STK10: variants seen among roughly 807,000 people sequenced by gnomAD.
The protein encoded by STK10 is serine/threonine kinase 10, also known as serine/threonine-protein kinase 10.
STK10 carries 78 observed loss-of-function variants against 113.8 expected under a neutral mutation model. The observed-to-expected ratio is 0.69, with a 90% CI of 0.57 to 0.83. The LOEUF is 0.83. Among genes scored for constraint, STK10 ranks in the 40% least tolerant of loss-of-function variants. STK10 has a pLI of 0.00. For synonymous variants in STK10, 465 were observed against 494.7 expected (o/e 0.94, Z 0.80); for missense variants, 1,109 against 1,280.1 (o/e 0.87, Z 2.04).
At chr5:172,062,592 G>C (rs1284679011) in intron 13 of STK10, among the ~76,000 whole-genome samples, 1 of 152,220 alleles carries the variant, frequency 6.6e-6, no homozygotes, top group Non-Finnish European at 1.5e-5. Flanking sequence ...TCTGACACAT[G>C]CAACAACATG....
At chr5:172,050,507 C>A (rs1242686307) in intron 18 of STK10, among the ~76,000 whole-genome samples, 1 of 152,110 alleles carries the variant, frequency 6.6e-6, no homozygotes, top group African/African-American at 2.4e-5. Flanking sequence ...GCCTGGGCAA[C>A]ATAGCAAGAC....
intron 3 of STK10, among the ~76,000 whole-genome samples, chr5:172,121,895 C>G (rs563654680): frequency 6.7e-6 from 1 of 148,166 alleles, no homozygotes; most frequent in East Asian, 2.0e-4. Context: ...TTTTAGACGA[C>G]GTCTCTGTCA....
intron 12 of STK10, among the ~76,000 whole-genome samples, chr5:172,074,893 T>C (rs1481137162): frequency 2.6e-5 from 4 of 151,886 alleles, no homozygotes; most frequent in Non-Finnish European, 5.9e-5. Context: ...GTGGCGCATG[T>C]CTGTAATCCC....
intron 1 of STK10, among the ~76,000 whole-genome samples, chr5:172,177,149 C>T (rs1382082696): frequency 6.7e-6 from 1 of 149,924 alleles, no homozygotes; most frequent in African/African-American, 2.5e-5. Context: ...TGCACTCCAG[C>T]CTGGATGAAG....
At position 172,052,882 on chromosome 5, in the gene STK10, C is replaced by T. The variant is rs755157383; in HGVS notation, c.2766+47G>A. On this transcript the variant is annotated intron_variant, in intron 18 of 18. Coordinates refer to ENST00000176763, the MANE Select transcript of STK10 (RefSeq NM_005990.4). ...GTCCTGGCCAGAGGCCTGTGCATGG[C>T]ACAGAGCAGAGCCCGAGACTGAGCC... is the stretch of plus-strand genomic sequence containing the variant. The T allele has an allele frequency of 3.1e-6, 5 of 1,592,952 alleles. 1 individual carries two copies. In the East Asian group the frequency reaches 1.1e-4, roughly 36 times the overall value.
At chr5:172,099,090 G>A (rs905364480) in intron 7 of STK10, among the ~76,000 whole-genome samples, 1 of 143,666 alleles carries the variant, frequency 7.0e-6, no homozygotes, top group African/African-American at 2.6e-5. Context: ...TCATCATCAC[G>A]ACCATTACCA....
In STK10 at chr5:172,061,175, G is replaced by A. The variant is rs760962349; in HGVS notation, c.2176C>T (p.Arg726Cys). The A allele has an allele frequency of 2.7e-5, 43 of 1,613,006 alleles. No homozygotes were observed. In the East Asian group the frequency reaches 5.4e-4, roughly 20 times the overall value. Residue 726 changes from arginine to cysteine, a missense_variant, in exon 14 of 19, where the codon CGC becomes TGC. This residue lies in a region of STK10 where 885 missense variants were observed against 991.1 expected (regional missense o/e 0.89). Coordinates refer to ENST00000176763, the MANE Select transcript of STK10 (RefSeq NM_005990.4). ...TCCTGCTTCTTCATGAGGCACTCGCGCTCCTTGTCACAGATCTCCCGCCTG... is the reference window on the plus strand; with the variant it reads ...TCCTGCTTCTTCATGAGGCACTCGCACTCCTTGTCACAGATCTCCCGCCTG... ...DNRREICDKE[R>C]ECLMKKQELL...
At chr5:172,069,835 C>T (rs1938642970) in intron 12 of STK10, among the ~76,000 whole-genome samples, 1 of 152,172 alleles carries the variant, frequency 6.6e-6, no homozygotes, top group African/African-American at 2.4e-5. Flanking sequence ...TTATAGAATA[C>T]TCCACTCAAC....
intron 17 of STK10, 73 bp from the exon 18 acceptor site, chr5:172,053,115 G>A (rs1767667351): frequency 6.5e-6 from 8 of 1,232,926 alleles, no homozygotes; most frequent in South Asian, 6.1e-5. Flanking sequence ...CACACCTCAC[G>A]CTGTGGCTAC....
intron 12 of STK10, among the ~76,000 whole-genome samples, chr5:172,073,792 G>GC (rs1768249243): frequency 1.8e-5 from 1 of 55,492 alleles, no homozygotes; most frequent in Non-Finnish European, 3.3e-5. Flanking sequence ...ACTAAAAATA[G>GC]CAAAAAAAAA....
intron 1 of STK10, among the ~76,000 whole-genome samples, chr5:172,185,562 C>T (rs182456208): frequency 2.0e-5 from 3 of 152,246 alleles, no homozygotes; most frequent in East Asian, 1.9e-4. Context: ...CCACCACGCC[C>T]GGCCCAAAAA....
intron 18 of STK10, among the ~76,000 whole-genome samples, chr5:172,052,293 G>A (rs1416241205): frequency 6.6e-6 from 1 of 152,132 alleles, no homozygotes; most frequent in Non-Finnish European, 1.5e-5. Context: ...AAGGAAACAG[G>A]GACCTCAGAC....
chr5:172,082,885 C>A lies in STK10; in HGVS notation c.1809+76G>T. 1.3e-6 allele frequency: 2 copies of A among 1,573,598 alleles called. No individual in the cohort carries two copies. Among genetic ancestry groups the A allele is most frequent in the Middle Eastern group, 4.7e-4 (2 of 4,268 alleles). Reference sequence around the variant, plus strand: ...AATTACTCTCCACTACCCAATCATTCCCACTATGTAGCTTCCACTGAGAGA... The same window carrying A: ...AATTACTCTCCACTACCCAATCATTACCACTATGTAGCTTCCACTGAGAGA... On this transcript the variant is annotated intron_variant, in intron 11 of 18. Transcript: ENST00000176763. This position sits in a 1 kb window ranked among gnomAD's most constrained non-coding sequence, Gnocchi z 4.3.
intron 1 of STK10, among the ~76,000 whole-genome samples, chr5:172,186,840 T>C (rs999079399): frequency 2.6e-5 from 4 of 152,188 alleles, no homozygotes; most frequent in East Asian, 1.9e-4. Context: ...AACTAGGCGA[T>C]AGACCACTTC....
intron 12 of STK10, 82 bp from the exon 13 acceptor site, chr5:172,064,894 G>T: frequency 6.7e-7 from 1 of 1,487,662 alleles, no homozygotes. Flanking sequence ...CAGAACCCCC[G>T]GGCCAGAGAA....
In STK10 at chr5:172,044,723, A is replaced by G; in HGVS notation, c.*159T>C. On this transcript the variant is annotated 3_prime_UTR_variant, in exon 19 of 19. Transcript: ENST00000176763. This position sits in a 1 kb window ranked among gnomAD's most constrained non-coding sequence, Gnocchi z 4.5. ...AGCAAGAAGTCAGGAACGCTGGGGC[A>G]GGTCTATCAGGCACAGTTGGGGTGG... 8.6e-7 allele frequency: 1 copy of G among 1,166,880 alleles called. No individual in the cohort carries two copies. The highest frequency in any genetic ancestry group is 1.2e-6 in the Non-Finnish European group (1 of 813,044). The allele number at this position is 1,166,880 out of a possible 1,614,324, so 72.3% of individuals were successfully genotyped here. A position where few individuals can be genotyped will look rare whatever the true frequency, so the allele number is the denominator to read the frequency against.
At chr5:172,053,274 G>T (rs1350631106) in intron 17 of STK10, 15 of 462,394 alleles carry the variant, frequency 3.2e-5, no homozygotes, top group South Asian at 1.8e-4. Flanking sequence ...TGGTGGGGAG[G>T]TATAGTAAAT....
At chr5:172,074,033 T>G (rs540401523) in intron 12 of STK10, among the ~76,000 whole-genome samples, 25 of 151,772 alleles carry the variant, frequency 1.6e-4, no homozygotes, top group South Asian at 8.3e-4. Flanking sequence ...TATGCTCAAA[T>G]TAAAAACACT....
intron 18 of STK10, among the ~76,000 whole-genome samples, chr5:172,050,626 C>T (rs994609602): frequency 1.3e-4 from 20 of 152,188 alleles, no homozygotes; most frequent in African/African-American, 4.8e-4. Context: ...AGGATATTTA[C>T]TGCCAATGAC....
Sources: allele counts gnomAD v4.1 joint callset (sites outside exome capture counted in the v4.1 genomes callset), GRCh38; gene constraint gnomAD v4.1.1; regional missense constraint gnomAD v4.1.1; non-coding constraint Gnocchi (gnomAD v3.1); transcripts MANE v1.5; gene names NCBI Gene and HGNC (gene_info 2026-07-23, HGNC 2026-07-21).